CAB39L: variants seen among roughly 807,000 people sequenced by gnomAD.
CAB39L encodes the protein calcium-binding protein 39-like.
A neutral mutation model predicts 39.1 loss-of-function variants in CAB39L; 23 were observed. The ratio of observed to expected loss-of-function variants is 0.59; its 90% CI spans 0.42 to 0.83. The LOEUF (loss-of-function observed/expected upper bound fraction) is 0.83, where lower values mean the gene tolerates loss of function less well. CAB39L is among the 40% of genes least tolerant of loss of function. CAB39L has a pLI of 0.00. For missense variants in CAB39L, 366 were observed against 391.9 expected (o/e 0.93, Z 0.56); for synonymous variants, 126 against 137.2 (o/e 0.92, Z 0.57).
In CAB39L at chr13:49,443,999, T is replaced by G. The variant is rs940582137; in HGVS notation, c.-259A>C. 7.0e-5 allele frequency: 32 copies of G among 456,626 alleles called. No homozygotes were observed. Among genetic ancestry groups the G allele is most frequent in the Non-Finnish European group, 1.4e-4 (31 of 226,964 alleles). 28.3% of individuals were successfully genotyped at this position (456,626 alleles called of 1,614,324 possible). On this transcript the variant is annotated 5_prime_UTR_variant, in exon 1 of 11. Transcript: ENST00000409308. ...CCTCACACCTACCGGAGGAAACAGC[T>G]GCGCCACCACTCCAGTGATGCCGGC...
chr13:49,382,794 T>A lies in CAB39L; in HGVS notation c.111+6A>T. ...TTAATCATAATGTTACTGTTTTAGCTCTTACCTTGTCTGTCTTTTTGTCTT... is the reference window on the plus strand; with the variant it reads ...TTAATCATAATGTTACTGTTTTAGCACTTACCTTGTCTGTCTTTTTGTCTT... On this transcript the variant is annotated splice_donor_region_variant and intron_variant, in intron 4 of 10. Transcript: ENST00000409308. The A allele has an allele frequency of 1.3e-6, 2 of 1,553,690 alleles. No homozygotes were observed. The highest frequency in any genetic ancestry group is 1.1e-5 in the South Asian group (1 of 88,974).
chr13:49,439,556 T>C (rs930644166), intron 1 of CAB39L, among the ~76,000 whole-genome samples: 2 of 152,232 alleles, frequency 1.3e-5, no homozygotes, highest in African/African-American at 2.4e-5. Context: ...GATGAACATA[T>C]GAGTGCATGT....
At chr13:49,396,381 T>TA (rs1316201600) in intron 3 of CAB39L, among the ~76,000 whole-genome samples, 1 of 151,900 alleles carries the variant, frequency 6.6e-6, no homozygotes, top group Non-Finnish European at 1.5e-5. Flanking sequence ...TCTGTTAAAC[T>TA]AAAAAAATTA....
chr13:49,313,355 C>T (rs1954054223), intron 10 of CAB39L, among the ~76,000 whole-genome samples: 1 of 152,062 alleles, frequency 6.6e-6, no homozygotes, highest in African/African-American at 2.4e-5. Context: ...GTGGCGGGCG[C>T]CTGTAGTCCC....
intron 3 of CAB39L, among the ~76,000 whole-genome samples, chr13:49,428,487 A>G (rs553880661): frequency 6.6e-6 from 1 of 152,344 alleles, no homozygotes; most frequent in Non-Finnish European, 1.5e-5. Flanking sequence ...ACAGTATGGA[A>G]GAAGAATGAA....
chr13:49,348,962 C>T (rs909765441), intron 7 of CAB39L, among the ~76,000 whole-genome samples: 16 of 152,278 alleles, frequency 1.1e-4, no homozygotes, highest in Admixed American at 5.2e-4. Context: ...TCCCAGCTTC[C>T]TTCTGCCCCA....
chr13:49,326,775 T>G (rs1359931263), intron 10 of CAB39L, among the ~76,000 whole-genome samples: 1 of 152,186 alleles, frequency 6.6e-6, no homozygotes, highest in Non-Finnish European at 1.5e-5. Context: ...GTCCAATGAT[T>G]AGGTGACCCA....
chr13:49,364,875 G>A (rs749550624), intron 5 of CAB39L, among the ~76,000 whole-genome samples: 5 of 152,078 alleles, frequency 3.3e-5, no homozygotes, highest in South Asian at 2.1e-4. Context: ...ACTACCCAAC[G>A]TAATCTACAG....
intron 7 of CAB39L, among the ~76,000 whole-genome samples, chr13:49,347,196 G>C (rs1272228429): frequency 6.6e-6 from 1 of 151,976 alleles, no homozygotes; most frequent in Admixed American, 6.6e-5. Context: ...CAGCATACTA[G>C]AAAACTTTTT....
intron 3 of CAB39L, among the ~76,000 whole-genome samples, chr13:49,430,351 T>C (rs1342369419): frequency 1.3e-5 from 2 of 152,194 alleles, no homozygotes; most frequent in East Asian, 1.9e-4. Context: ...CAGTAAGGCA[T>C]ACGTAAACAT....
intron 3 of CAB39L, among the ~76,000 whole-genome samples, chr13:49,383,786 C>T (rs1048659218): frequency 6.6e-6 from 1 of 152,182 alleles, no homozygotes; most frequent in Non-Finnish European, 1.5e-5. Flanking sequence ...GCACATTGTG[C>T]ACATGTACCC....
At chr13:49,338,625 C>CAT (rs1332170265) in intron 9 of CAB39L, among the ~76,000 whole-genome samples, 1 of 151,440 alleles carries the variant, frequency 6.6e-6, no homozygotes, top group African/African-American at 2.4e-5. Flanking sequence ...ACAATGTGCA[C>CAT]ATGTACCCTA....
At chr13:49,441,164 A>G (rs1415921772) in intron 1 of CAB39L, among the ~76,000 whole-genome samples, 8 of 146,928 alleles carry the variant, frequency 5.4e-5, no homozygotes, top group Non-Finnish European at 1.2e-4. Context: ...GTATGTTTTC[A>G]TAATCTCGTG....
chr13:49,337,424 C>G (rs78920293), intron 9 of CAB39L, among the ~76,000 whole-genome samples: 1 of 152,266 alleles, frequency 6.6e-6, no homozygotes, highest in African/African-American at 2.4e-5. Context: ...AACTCCAGCC[C>G]ACATCTCCCT....
At chr13:49,314,015 G>T (rs1186509103) in intron 10 of CAB39L, among the ~76,000 whole-genome samples, 1 of 152,178 alleles carries the variant, frequency 6.6e-6, no homozygotes, top group Non-Finnish European at 1.5e-5. Flanking sequence ...ACATTTCCGG[G>T]TTTGGAACAG....
intron 4 of CAB39L, among the ~76,000 whole-genome samples, chr13:49,381,548 T>C (rs148415573): frequency 6.6e-6 from 1 of 152,366 alleles, no homozygotes; most frequent in East Asian, 1.9e-4. Context: ...ATTTTATAGA[T>C]GAGAAAACTT....
At chr13:49,442,226 G>A (rs1039812417) in intron 1 of CAB39L, among the ~76,000 whole-genome samples, 1 of 151,946 alleles carries the variant, frequency 6.6e-6, no homozygotes, top group Non-Finnish European at 1.5e-5. Flanking sequence ...CTTTGAAAAC[G>A]TTCCTTTTAA....
At chr13:49,426,001 A>T (rs560922827) in intron 3 of CAB39L, among the ~76,000 whole-genome samples, 2 of 152,138 alleles carry the variant, frequency 1.3e-5, no homozygotes, top group Non-Finnish European at 2.9e-5. Flanking sequence ...GACCCCTTTA[A>T]TCCAAACTAG....
chr13:49,318,405 T>C, intron 10 of CAB39L, among the ~76,000 whole-genome samples: 1 of 143,978 alleles, frequency 6.9e-6, no homozygotes, highest in African/African-American at 2.6e-5. Flanking sequence ...AAGTTGAGGC[T>C]GCAGTGAGCT....
Sources: allele counts gnomAD v4.1 joint callset (sites outside exome capture counted in the v4.1 genomes callset), GRCh38; gene constraint gnomAD v4.1.1; transcripts MANE v1.5; gene names NCBI Gene and HGNC (gene_info 2026-07-23, HGNC 2026-07-21).